Variants in EBF2 observed in about 807,000 individuals in gnomAD.
EBF2 encodes transcription factor COE2.
Under a neutral mutation model 72.8 loss-of-function variants are expected in EBF2, and 21 were observed. That is an observed-to-expected ratio of 0.29 (90% CI 0.20 to 0.42). The LOEUF (loss-of-function observed/expected upper bound fraction) is 0.42, where lower values mean the gene tolerates loss of function less well. EBF2 is among the 10% of genes least tolerant of loss of function. EBF2 has a pLI of 1.00. For synonymous variants in EBF2, 299 were observed against 274.2 expected (o/e 1.09, Z -0.89); for missense variants, 637 against 731.2 (o/e 0.87, Z 1.49).
At position 26,022,261 on chromosome 8, in the gene EBF2, T is replaced by C. The variant is rs1369047141; in HGVS notation, c.551+10824A>G. Among the ~76,000 whole-genome samples, 4 of 152,364 alleles carry C rather than the reference T, an allele frequency of 2.6e-5. No homozygotes were observed. In the East Asian group the frequency reaches 7.7e-4, roughly 29 times the overall value. On this transcript the variant is annotated intron_variant, in intron 6 of 15. Transcript: ENST00000520164. ...GCCAGCTACACAGCTCCCAAAATTG[T>C]TGATCTTCAATTGGGTTTCTGCTCT...
intron 6 of EBF2, among the ~76,000 whole-genome samples, chr8:26,008,749 A>G (rs1563207021): frequency 1.3e-5 from 2 of 151,602 alleles, no homozygotes; most frequent in Non-Finnish European, 2.9e-5. Context: ...CAAACAGAAA[A>G]GAGGAAAAAA....
intron 6 of EBF2, among the ~76,000 whole-genome samples, chr8:25,981,783 G>A (rs1156776826): frequency 4.8e-5 from 6 of 124,932 alleles, no homozygotes; most frequent in Non-Finnish European, 6.7e-5. Context: ...GTGAGATTGA[G>A]ACTCCATCTT....
chr8:25,850,781 TC>T lies in EBF2; in HGVS notation c.1529-21del, dbSNP rs1801951556. 2 of 1,546,798 alleles carry T rather than the reference TC, an allele frequency of 1.3e-6. No homozygotes were observed. Among genetic ancestry groups the T allele is most frequent in the Non-Finnish European group, 1.7e-6 (2 of 1,156,208 alleles). ...ACATGACTGGAAAGCAAATGCACAA[TC>T]CTCATTTAGAAATTAAGATCTTCCT... On this transcript the variant is annotated intron_variant, in intron 14 of 15. Coordinates refer to ENST00000520164, the MANE Select transcript of EBF2 (RefSeq NM_022659.4).
chr8:26,001,528 A>G (rs1804725452), intron 6 of EBF2, among the ~76,000 whole-genome samples: 1 of 152,114 alleles, frequency 6.6e-6, no homozygotes, highest in African/African-American at 2.4e-5. Flanking sequence ...TGGCATACAT[A>G]TAAAGGAAAA....
chr8:25,977,027 G>T (rs1804279284), intron 6 of EBF2, among the ~76,000 whole-genome samples: 1 of 152,194 alleles, frequency 6.6e-6, no homozygotes, highest in Admixed American at 6.5e-5. Flanking sequence ...TTCAGTCTCA[G>T]GGTACTTATT....
chr8:25,917,069 A>T (rs548173018), intron 6 of EBF2, among the ~76,000 whole-genome samples: 11 of 152,264 alleles, frequency 7.2e-5, no homozygotes, highest in Admixed American at 7.2e-4. Context: ...CAAGCAGTTG[A>T]CTGTAAACGG....
intron 13 of EBF2, among the ~76,000 whole-genome samples, chr8:25,860,629 G>A (rs1241932703): frequency 6.6e-6 from 1 of 151,872 alleles, no homozygotes; most frequent in African/African-American, 2.4e-5. Flanking sequence ...CCAGGCTCAT[G>A]TGATCCTCCC....
chr8:25,962,080 G>C (rs890788026), intron 6 of EBF2, among the ~76,000 whole-genome samples: 16 of 152,142 alleles, frequency 1.1e-4, no homozygotes, highest in Non-Finnish European at 4.4e-5. Context: ...GGGGGCCAGG[G>C]AGGAACGTGC....
chr8:26,022,487 C>A (rs1226975065), intron 6 of EBF2, among the ~76,000 whole-genome samples: 2 of 152,170 alleles, frequency 1.3e-5, no homozygotes, highest in African/African-American at 4.8e-5. Context: ...TAGCCCCAGC[C>A]CTCATCTCAC....
chr8:25,893,791 G>C (rs1802822687), intron 7 of EBF2, among the ~76,000 whole-genome samples: 1 of 152,162 alleles, frequency 6.6e-6, no homozygotes, highest in South Asian at 2.1e-4. Context: ...TGTCCATTTG[G>C]GTGGAGTGAG....
intron 6 of EBF2, among the ~76,000 whole-genome samples, chr8:26,029,119 G>A (rs1207578064): frequency 6.6e-6 from 1 of 152,206 alleles, no homozygotes; most frequent in Non-Finnish European, 1.5e-5. Context: ...AGTCCTTAAT[G>A]GAGGATCCCC....
chr8:25,988,057 G>A (rs766015622), intron 6 of EBF2, among the ~76,000 whole-genome samples: 2 of 152,126 alleles, frequency 1.3e-5, no homozygotes, highest in African/African-American at 2.4e-5. Context: ...AATTCCTCAG[G>A]ATTGCTGGTT....
intron 6 of EBF2, among the ~76,000 whole-genome samples, chr8:25,988,552 T>C (rs149250309): frequency 6.6e-6 from 1 of 152,346 alleles, no homozygotes; most frequent in East Asian, 1.9e-4. Context: ...AGTCAATGAA[T>C]AAATCATCTG....
intron 6 of EBF2, among the ~76,000 whole-genome samples, chr8:25,910,322 GAAC>G (rs1190466455): frequency 6.6e-6 from 1 of 152,116 alleles, no homozygotes; most frequent in African/African-American, 2.4e-5. Context: ...GTGTGTTTCT[GAAC>G]AATAGCCCCC....
chr8:25,954,225 G>A (rs946256198), intron 6 of EBF2, among the ~76,000 whole-genome samples: 1 of 152,202 alleles, frequency 6.6e-6, no homozygotes, highest in Admixed American at 6.5e-5. Flanking sequence ...CGGAGTAAGA[G>A]TGATATCGGG....
intron 7 of EBF2, among the ~76,000 whole-genome samples, chr8:25,893,389 C>T (rs983349725): frequency 4.0e-5 from 6 of 149,694 alleles, no homozygotes; most frequent in Non-Finnish European, 5.9e-5. Flanking sequence ...CAGGTTCAAG[C>T]GATTCTCCTG....
At chr8:25,987,837 T>C (rs1015804654) in intron 6 of EBF2, among the ~76,000 whole-genome samples, 4 of 152,048 alleles carry the variant, frequency 2.6e-5, no homozygotes, top group Non-Finnish European at 4.4e-5. Flanking sequence ...GGGCTCCAGG[T>C]AGTAGCTGTG....
intron 6 of EBF2, among the ~76,000 whole-genome samples, chr8:26,023,148 C>T (rs1383039102): frequency 6.6e-6 from 1 of 152,166 alleles, no homozygotes; most frequent in African/African-American, 2.4e-5. Context: ...GCCCTGTTCA[C>T]TCCAATAGAA....
At chr8:26,029,165 A>G (rs984715644) in intron 6 of EBF2, among the ~76,000 whole-genome samples, 1 of 152,238 alleles carries the variant, frequency 6.6e-6, no homozygotes, top group Non-Finnish European at 1.5e-5. Context: ...TTAAAGGGCC[A>G]CAAAGTAGTG....
Sources: gnomAD v4.1 joint callset for allele counts (sites outside exome capture counted in the v4.1 genomes callset) on GRCh38, gnomAD v4.1.1 for gene constraint, MANE v1.5 for transcripts, NCBI Gene and HGNC (gene_info 2026-07-23, HGNC 2026-07-21) for gene names.